Variants in PDXDC1 observed in about 807,000 individuals in gnomAD.
PDXDC1 encodes pyridoxal-dependent decarboxylase domain-containing protein 1.
In PDXDC1, 42 loss-of-function variants were observed where a neutral mutation model predicts 100.1. The observed-to-expected ratio is 0.42, with a 90% confidence interval of 0.33 to 0.54. The LOEUF is 0.54. Among genes scored for constraint, PDXDC1 ranks in the 20% least tolerant of loss-of-function variants. PDXDC1 has a pLI of 0.10. For missense variants in PDXDC1, 636 were observed against 979.2 expected (o/e 0.65, Z 4.68); for synonymous variants, 260 against 371.7 (o/e 0.70, Z 3.46).
chr16:15,125,563 T>C, intron 16 of PDXDC1: 2 of 1,560,626 alleles, frequency 1.3e-6, no homozygotes, highest in Non-Finnish European at 1.8e-6. Flanking sequence ...CTTAGAATCA[T>C]CCAGAAACAA....
intron 16 of PDXDC1, chr16:15,047,183 G>A (rs1597795173): frequency 3.9e-6 from 2 of 508,384 alleles, no homozygotes; most frequent in East Asian, 3.3e-5. Context: ...CAACCTCGAC[G>A]TTCCTGAGAC....
At chr16:15,035,968 G>A (rs112577623) in intron 22 of PDXDC1, 48 bp from the exon 23 acceptor site, 6 of 1,560,432 alleles carry the variant, frequency 3.8e-6, no homozygotes, top group African/African-American at 2.7e-5. Flanking sequence ...CTGTGTTGCA[G>A]AAGTATCCTC....
At chr16:15,124,443 A>G (rs1035239395) in intron 16 of PDXDC1, among the ~76,000 whole-genome samples, 7 of 152,170 alleles carry the variant, frequency 4.6e-5, no homozygotes, top group Non-Finnish European at 8.8e-5. Flanking sequence ...TGCCTTTACC[A>G]TAAATAGAAA....
intron 16 of PDXDC1, among the ~76,000 whole-genome samples, chr16:15,064,132 G>A (rs371138829): frequency 6.6e-6 from 1 of 151,844 alleles, no homozygotes; most frequent in Non-Finnish European, 1.5e-5. Flanking sequence ...CTGGCCCAGT[G>A]GTTTTCTAGA....
intron 16 of PDXDC1, among the ~76,000 whole-genome samples, chr16:15,051,414 G>A (rs1194116228): frequency 1.3e-5 from 2 of 152,126 alleles, no homozygotes; most frequent in East Asian, 1.9e-4. Context: ...GTGCAGCGGC[G>A]AGATCGTGGC....
chr16:15,091,417 T>C (rs1436177714), intron 16 of PDXDC1: 2 of 1,390,282 alleles, frequency 1.4e-6, no homozygotes, highest in Non-Finnish European at 2.0e-6. Flanking sequence ...TGTTTCCTGT[T>C]TAGTATCAAC....
At chr16:15,096,115 T>G (rs556352530) in intron 16 of PDXDC1, among the ~76,000 whole-genome samples, 1 of 151,982 alleles carries the variant, frequency 6.6e-6, no homozygotes, top group South Asian at 2.1e-4. Context: ...TTTTGTTTTT[T>G]GTTTTTTTTT....
chr16:15,068,407 A>G, intron 16 of PDXDC1: 1 of 1,209,054 alleles, frequency 8.3e-7, no homozygotes, highest in South Asian at 1.7e-5. Flanking sequence ...AATGCTTTAA[A>G]TAAAGGTCCA....
chr16:15,110,143 C>G (rs1300569896), intron 16 of PDXDC1, among the ~76,000 whole-genome samples: 3 of 146,276 alleles, frequency 2.1e-5, no homozygotes, highest in Non-Finnish European at 3.0e-5. Context: ...AAAGCCCCAT[C>G]TCAGGAAAAA....
intron 16 of PDXDC1, chr16:15,127,553 C>A: frequency 7.7e-7 from 1 of 1,298,698 alleles, no homozygotes; most frequent in South Asian, 1.3e-5. Context: ...CCAACAGCGA[C>A]TGTGTCGACG....
At chr16:15,127,122 C>T (rs1320552311) in intron 16 of PDXDC1, 3 of 362,058 alleles carry the variant, frequency 8.3e-6, no homozygotes, top group African/African-American at 4.3e-5. Context: ...ACTAACTCGG[C>T]CTCTTCACTT....
chr16:15,046,263 T>C (rs2044057087), intron 16 of PDXDC1, among the ~76,000 whole-genome samples: 1 of 152,228 alleles, frequency 6.6e-6, no homozygotes, highest in African/African-American at 2.4e-5. Flanking sequence ...AACTCTCTCT[T>C]TCCTTTTTAG....
intron 16 of PDXDC1, chr16:15,047,344 G>C: frequency 1.2e-6 from 1 of 802,178 alleles, no homozygotes; most frequent in Non-Finnish European, 2.2e-6. Context: ...ACACGGCAGT[G>C]GTGGCATCCT....
At chr16:14,986,112 G>A (rs1453754413) in intron 1 of PDXDC1, among the ~76,000 whole-genome samples, 1 of 152,240 alleles carries the variant, frequency 6.6e-6, no homozygotes, top group African/African-American at 2.4e-5. Flanking sequence ...AAAAAAAAAA[G>A]TTTGTAAAAA....
intron 16 of PDXDC1, chr16:15,094,032 C>G (rs1362205423): frequency 3.3e-6 from 3 of 909,652 alleles, no homozygotes; most frequent in Admixed American, 4.2e-5. Context: ...CCCTCCACCC[C>G]GTGCTCCTAT....
chr16:15,044,369 C>A (rs78636705), intron 16 of PDXDC1: 1 of 1,613,512 alleles, frequency 6.2e-7, no homozygotes, highest in Non-Finnish European at 8.5e-7. Flanking sequence ...TGACAACTGC[C>A]TGTCGTCACT....
Position 15,036,052 on chromosome 16 carries a change from A to C in PDXDC1, c.2144A>C (p.Asp715Ala). ...KPFKRSLRGS[D>A]ALSETSSVSH... ...TTTAAAAGGTCCCTGCGAGGTTCAG[A>C]TGCTTTGAGTGAGACCAGCTCAGTC... is the stretch of plus-strand genomic sequence containing the variant. Residue 715 changes from aspartate to alanine, a missense_variant, in exon 23 of 23, where the codon GAT (aspartate) becomes GCT (alanine). By Grantham distance (126) the Asp-to-Ala change is moderately radical. Coordinates refer to ENST00000396410, the MANE Select transcript of PDXDC1 (RefSeq NM_015027.4). The C allele has an allele frequency of 6.2e-7, 1 of 1,614,124 alleles. No individual in the cohort carries two copies.
chr16:15,045,862 A>G (rs1036298327), intron 16 of PDXDC1: 2 of 152,250 alleles, frequency 1.3e-5, no homozygotes, highest in Non-Finnish European at 2.9e-5. Flanking sequence ...AATCTTCCTA[A>G]GGGATGAACC....
At chr16:15,106,816 T>G in intron 16 of PDXDC1, 1 of 205,962 alleles carries the variant, frequency 4.9e-6, no homozygotes, top group Non-Finnish European at 1.0e-5. Context: ...GCTATATTGA[T>G]TCCTCCTCTT....
Sources: gnomAD v4.1 joint callset for allele counts (sites outside exome capture counted in the v4.1 genomes callset) on GRCh38, gnomAD v4.1.1 for gene constraint, MANE v1.5 for transcripts, NCBI Gene and HGNC (gene_info 2026-07-23, HGNC 2026-07-21) for gene names.